Variants in EPHB4 observed in about 807,000 individuals in gnomAD.
The protein encoded by EPHB4 is ephrin type-B receptor 4.
A neutral mutation model predicts 110.6 loss-of-function variants in EPHB4; 50 were observed. The ratio of observed to expected loss-of-function variants is 0.45; its 90% confidence interval spans 0.36 to 0.57. The LOEUF (loss-of-function observed/expected upper bound fraction) is 0.57, where lower values mean the gene tolerates loss of function less well. Among genes scored for constraint, EPHB4 ranks in the 20% least tolerant of loss-of-function variants. The pLI is 0.00. For synonymous variants in EPHB4, 592 were observed against 578.4 expected, an observed-to-expected ratio of 1.02 and a Z score of -0.34; for missense variants, 1,128 against 1,382.1, an observed-to-expected ratio of 0.82 and a Z score of 2.91.
intron 6 of EPHB4, 81 bp from the exon 7 acceptor site, chr7:100,818,725 C>CG (rs1562971603): frequency 6.8e-7 from 1 of 1,472,302 alleles, no homozygotes; most frequent in African/African-American, 1.4e-5. Flanking sequence ...TTTTTCGAGA[C>CG]GGAGTCGTGC....
intron 1 of EPHB4, among the ~76,000 whole-genome samples, chr7:100,825,731 G>A (rs1172734496): frequency 6.6e-6 from 1 of 152,226 alleles, no homozygotes; most frequent in East Asian, 1.9e-4. Flanking sequence ...GTTGCTGGAT[G>A]GGTGAAATTA....
chr7:100,815,718 G>A (rs562192223), intron 8 of EPHB4, among the ~76,000 whole-genome samples: 151 of 152,218 alleles, frequency 9.9e-4, no homozygotes, highest in African/African-American at 3.5e-3. Context: ...TGGGTGTGGC[G>A]GCTCATGCCT....
rs1451267197 is a variant in EPHB4, at chr7:100,807,581, C to G, written c.2119-1G>C. On this transcript the variant is annotated splice_acceptor_variant, in intron 12 of 16. Coordinates refer to ENST00000358173, the MANE Select transcript of EPHB4 (RefSeq NM_004444.5). LOFTEE classifies it high-confidence loss of function. The stretch of plus-strand genomic sequence containing the variant: ...TGACTGTGAACTGTCCGTCGTTTAG[C>G]TGGAGAGCAGATAGGGTGGGGGCTT... 1 of 1,612,210 alleles carries G rather than the reference C, an allele frequency of 6.2e-7. No individual in the cohort carries two copies.
In EPHB4 at chr7:100,818,500, G is replaced by A; in HGVS notation, c.1422+20C>T. The A allele has an allele frequency of 1.2e-6, 2 of 1,613,174 alleles. No individual in the cohort carries two copies. Among genetic ancestry groups the A allele is most frequent in the Non-Finnish European group, 1.7e-6 (2 of 1,179,388 alleles). ...CACAACCCATTGCCCACCCACCCCA[G>A]GGCTGGGGGATGGCCTTACCTTCTC... On this transcript the variant is annotated intron_variant, in intron 7 of 16. Transcript: ENST00000358173.
In EPHB4 at chr7:100,822,368, G is replaced by C. The variant is rs1396263655; in HGVS notation, c.711C>G (p.Leu237=). 6.4e-7 allele frequency: 1 copy of C among 1,574,538 alleles called. No individual in the cohort carries two copies. The highest frequency in any genetic ancestry group is 1.2e-5 in the South Asian group (1 of 86,898). Residue 237 remains leucine (L), a synonymous_variant, in exon 4 of 17, where the codon CTC becomes CTG. Coordinates refer to ENST00000358173, the MANE Select transcript of EPHB4 (RefSeq NM_004444.5). The surrounding 1 kb of genome is among the most constrained non-coding windows in gnomAD (Gnocchi z 4.7). Reference sequence around the variant, plus strand: ...CCCACTGGCCATCCTCACGGCAGTAGAGGCTGGGGCTGGGGCCAGGGGCGG... The same window carrying C: ...CCCACTGGCCATCCTCACGGCAGTACAGGCTGGGGCTGGGGCCAGGGGCGG... ...AVPAPGPSPS[L]YCREDGQWAE...
chr7:100,822,212 TGGA>T lies in EPHB4; in HGVS notation c.808+56_808+58del, dbSNP rs1426501367. ...GGAAACTTAAGAAGTGGGTCCTGAG[TGGA>T]GTTCAGGACTCTCCCCCGGATGAGC... On this transcript the variant is annotated intron_variant, in intron 4 of 16. Coordinates refer to ENST00000358173, the MANE Select transcript of EPHB4 (RefSeq NM_004444.5). This position sits in a 1 kb window ranked among gnomAD's most constrained non-coding sequence, Gnocchi z 4.7. 1 of 1,502,366 alleles carries T rather than the reference TGGA, an allele frequency of 6.7e-7. No individual in the cohort carries two copies. Among genetic ancestry groups the T allele is most frequent in the East Asian group, 2.5e-5 (1 of 40,378 alleles). 93.1% of individuals were successfully genotyped at this position (1,502,366 alleles called of 1,614,324 possible).
At chr7:100,803,942 G>A (rs1022568550) in intron 16 of EPHB4, among the ~76,000 whole-genome samples, 5 of 152,154 alleles carry the variant, frequency 3.3e-5, no homozygotes, top group Admixed American at 2.0e-4. Flanking sequence ...CGAAGTGGGA[G>A]AGGAAGAGCT....
At position 100,803,126 on chromosome 7, in the gene EPHB4, ACT is replaced by A. The variant is rs774831706; in HGVS notation, c.*333_*334del. The A allele has an allele frequency of 1.6e-5, 3 of 182,378 alleles. No individual in the cohort carries two copies. The highest frequency in any genetic ancestry group is 6.2e-5 in the Admixed American group (1 of 16,126). The allele number at this position is 182,378 out of a possible 1,614,324, so 11.3% of individuals were successfully genotyped here. A position where few individuals can be genotyped will look rare whatever the true frequency, so the allele number is the denominator to read the frequency against. Reference sequence around the variant, plus strand: ...ACTCTGGAGCTGGCAAGGGAGTCACACTCTCTTTGGTCTGCGGGAACGCACCC... The same window carrying A: ...ACTCTGGAGCTGGCAAGGGAGTCACACTCTTTGGTCTGCGGGAACGCACCC... On this transcript the variant is annotated 3_prime_UTR_variant, in exon 17 of 17. Transcript: ENST00000358173.
At chr7:100,820,115 A>G (rs1346823846) in intron 5 of EPHB4, 26 bp downstream of exon 5, 11 of 1,609,396 alleles carry the variant, frequency 6.8e-6, no homozygotes, top group Non-Finnish European at 9.3e-6. Context: ...TCCCCAGTGA[A>G]CTGCACCTGG....
intron 1 of EPHB4, among the ~76,000 whole-genome samples, chr7:100,825,983 G>A (rs1468102490): frequency 1.3e-5 from 2 of 152,198 alleles, no homozygotes; most frequent in Non-Finnish European, 2.9e-5. Context: ...CCCAGCCCAG[G>A]GCAGTCCTGC....
intron 6 of EPHB4, 21 bp from the exon 7 acceptor site, chr7:100,818,665 G>C (rs372453091): frequency 6.2e-7 from 1 of 1,602,696 alleles, no homozygotes; most frequent in African/African-American, 1.3e-5. Flanking sequence ...CAGAGACACA[G>C]GGAACCCTTG....
chr7:100,806,355 C>T, intron 14 of EPHB4, 65 bp downstream of exon 14: 1 of 1,551,866 alleles, frequency 6.4e-7, no homozygotes, highest in East Asian at 2.3e-5. Context: ...GGAACCCACC[C>T]TTCACCCCAA....
At chr7:100,818,469 G>A (rs752158902) in intron 7 of EPHB4, 51 bp downstream of exon 7, 3 of 1,594,680 alleles carry the variant, frequency 1.9e-6, no homozygotes, top group South Asian at 1.1e-5. Flanking sequence ...GTCCCAGCCA[G>A]GAGAGCACAA....
Position 100,803,319 on chromosome 7 carries a change from C to T in EPHB4, c.*142G>A. The T allele has an allele frequency of 9.4e-7, 1 of 1,061,612 alleles. No homozygotes were observed. The highest frequency in any genetic ancestry group is 3.4e-4 in the Middle Eastern group (1 of 2,928). The allele number at this position is 1,061,612 out of a possible 1,614,324, so 65.8% of individuals were successfully genotyped here. A position where few individuals can be genotyped will look rare whatever the true frequency, so the allele number is the denominator to read the frequency against. On this transcript the variant is annotated 3_prime_UTR_variant, in exon 17 of 17. Coordinates refer to ENST00000358173, the MANE Select transcript of EPHB4 (RefSeq NM_004444.5). Reference sequence around the variant, plus strand: ...CCTATTATGGCAGAACCCCCAAATCCTGTCTCTCCAAATTGCCAACTCCTC... The same window carrying T: ...CCTATTATGGCAGAACCCCCAAATCTTGTCTCTCCAAATTGCCAACTCCTC...
In EPHB4 at chr7:100,827,143, G is replaced by A. The variant is rs1385112508; in HGVS notation, c.-113C>T. On this transcript the variant is annotated 5_prime_UTR_variant, in exon 1 of 17. Coordinates refer to ENST00000358173, the MANE Select transcript of EPHB4 (RefSeq NM_004444.5). ...GATACTCCGCGCGGGACTCCTCGTC[G>A]GGGCCCTCAGCGCGGGCCCATGCGA... 4 of 1,210,408 alleles carry A rather than the reference G, an allele frequency of 3.3e-6. No individual in the cohort carries two copies. The highest frequency in any genetic ancestry group is 2.8e-5 in the East Asian group (1 of 35,526). 75.0% of individuals were successfully genotyped at this position (1,210,408 alleles called of 1,614,324 possible).
chr7:100,816,481 G>C (rs1350763691), intron 8 of EPHB4, among the ~76,000 whole-genome samples: 1 of 151,786 alleles, frequency 6.6e-6, no homozygotes, highest in African/African-American at 2.4e-5. Flanking sequence ...TTACAGGTGT[G>C]CACCACCACG....
rs1057519263 is a variant in EPHB4 at position 100,807,483 on chromosome 7, C to T, written c.2216G>A (p.Arg739Gln). 6.2e-7 allele frequency: 1 copy of T among 1,614,108 alleles called. No homozygotes were observed. Among genetic ancestry groups the T allele is most frequent in the Non-Finnish European group, 8.5e-7 (1 of 1,180,024 alleles). The change falls in exon 13 of 17, where the codon CGA becomes CAA. Residue 739 changes from arginine (R) to glutamine (Q), a missense_variant. This residue lies in a region of EPHB4 where 191 missense variants were observed against 313.0 expected (regional missense o/e 0.61). Transcript: ENST00000358173. ...RYLAEMSYVH[R>Q]DLAARNILVN... ...TAGGATGTTGCGAGCAGCCAGGTCT[C>T]GGTGGACGTAGCTCATCTCGGCAAG... is the stretch of plus-strand genomic sequence containing the variant.
chr7:100,814,075 C>G (rs1174983926), intron 8 of EPHB4, 54 bp from the exon 9 acceptor site: 7 of 1,591,140 alleles, frequency 4.4e-6, no homozygotes, highest in Non-Finnish European at 6.0e-6. Flanking sequence ...GTAGGAGGCC[C>G]CAGCCCCGGC....
At chr7:100,817,661 T>C (rs1266254150) in intron 7 of EPHB4, among the ~76,000 whole-genome samples, 1 of 152,014 alleles carries the variant, frequency 6.6e-6, no homozygotes. Context: ...CCTGAGTAGC[T>C]GGGATTACAG....
Sources: gnomAD v4.1 joint callset for allele counts (sites outside exome capture counted in the v4.1 genomes callset) on GRCh38, gnomAD v4.1.1 for gene constraint, gnomAD v4.1.1 regional missense constraint, Gnocchi (gnomAD v3.1) non-coding constraint, MANE v1.5 for transcripts, NCBI Gene and HGNC (gene_info 2026-07-23, HGNC 2026-07-21) for gene names.